Variants in ARL15 observed in about 807,000 individuals in gnomAD.
ARL15 encodes the protein ARF like GTPase 15, also known as ADP-ribosylation factor-like protein 15.
Under a neutral mutation model 25.2 loss-of-function variants are expected in ARL15, and 19 were observed. The ratio of observed to expected loss-of-function variants is 0.75; its 90% confidence interval spans 0.53 to 1.10. ARL15 has a LOEUF of 1.10. ARL15 is among the 50% of genes least tolerant of loss of function. The pLI is 0.00. For synonymous variants in ARL15, 94 were observed against 86.8 expected, an observed-to-expected ratio of 1.08 and a Z score of -0.46; for missense variants, 220 against 246.0, an observed-to-expected ratio of 0.89 and a Z score of 0.71.
chr5:54,253,590 C>T (rs1437290316), intron 1 of ARL15, among the ~76,000 whole-genome samples: 1 of 151,788 alleles, frequency 6.6e-6, no homozygotes, highest in African/African-American at 2.4e-5. Flanking sequence ...CTTAAGGAAT[C>T]AGATTTTTTT....
At chr5:54,306,606 G>T (rs1758763119) in intron 1 of ARL15, among the ~76,000 whole-genome samples, 1 of 152,104 alleles carries the variant, frequency 6.6e-6, no homozygotes, top group Non-Finnish European at 1.5e-5. Flanking sequence ...AGCCAGGCTG[G>T]TCTCAAACTC....
chr5:53,930,084 A>C (rs915705033), intron 4 of ARL15, among the ~76,000 whole-genome samples: 2 of 152,220 alleles, frequency 1.3e-5, no homozygotes, highest in Non-Finnish European at 2.9e-5. Context: ...ACAAAGATGG[A>C]TTACCAGCAA....
intron 1 of ARL15, among the ~76,000 whole-genome samples, chr5:54,279,306 C>G (rs938315716): frequency 1.1e-3 from 172 of 151,408 alleles, no homozygotes; most frequent in African/African-American, 3.9e-3. Context: ...ATACCTTAGA[C>G]TGGGTGGCTT....
chr5:53,972,186 C>A (rs566589612), intron 4 of ARL15, among the ~76,000 whole-genome samples: 14 of 152,130 alleles, frequency 9.2e-5, no homozygotes, highest in South Asian at 2.1e-4. Context: ...ACAAAAAAAA[C>A]CCCTCTTGGA....
chr5:54,069,581 A>AAC (rs1554038050), intron 4 of ARL15, among the ~76,000 whole-genome samples: 2,930 of 130,606 alleles, frequency 0.022, 175 homozygotes, highest in South Asian at 0.039. Context: ...AAAAAAAAAA[A>AAC]AAACCACGAA....
intron 1 of ARL15, among the ~76,000 whole-genome samples, chr5:54,214,942 T>C (rs1035833062): frequency 1.3e-5 from 2 of 151,988 alleles, no homozygotes; most frequent in African/African-American, 2.4e-5. Context: ...TCCCACCGCG[T>C]TGGGGCAGCA....
At chr5:54,308,921 T>C (rs1031392867) in intron 1 of ARL15, among the ~76,000 whole-genome samples, 1 of 152,250 alleles carries the variant, frequency 6.6e-6, no homozygotes, top group African/African-American at 2.4e-5. Flanking sequence ...CACCCTTTCC[T>C]ACTTGGTAAT....
intron 1 of ARL15, among the ~76,000 whole-genome samples, chr5:54,263,386 T>C (rs1332738445): frequency 1.3e-5 from 2 of 152,150 alleles, no homozygotes; most frequent in African/African-American, 4.8e-5. Context: ...GCAACTTTTG[T>C]TTAAAGATTT....
At position 54,048,409 on chromosome 5, in the gene ARL15, T is replaced by TA. The variant is rs1561202172; in HGVS notation, c.462+64792_462+64793insT. 8.7e-3 allele frequency: 651 copies of TA among 75,082 alleles called. 6 individuals are homozygous for TA. The highest frequency in any genetic ancestry group is 0.047 in the African/African-American group (624 of 13,352). 4.7% of individuals were successfully genotyped at this position (75,082 alleles called of 1,614,324 possible). A position where few individuals can be genotyped will look rare whatever the true frequency, so the allele number is the denominator to read the frequency against. On this transcript the variant is annotated intron_variant, in intron 4 of 4. Coordinates refer to ENST00000504924, the MANE Select transcript of ARL15 (RefSeq NM_019087.3). The stretch of plus-strand genomic sequence containing the variant: ...ATATATAAATTATATATATATATAT[T>TA]TTTTTTTTTTTGAGATGGGGTCTCA...
intron 1 of ARL15, among the ~76,000 whole-genome samples, chr5:54,303,210 ACAGTCT>A (rs756743824): frequency 6.6e-6 from 1 of 152,062 alleles, no homozygotes; most frequent in African/African-American, 2.4e-5. Context: ...AGAACATAGC[ACAGTCT>A]CAGTACCTCT....
chr5:53,888,566 GAGCTACCATGCCC>G (rs1275296434), intron 4 of ARL15, among the ~76,000 whole-genome samples: 2 of 152,196 alleles, frequency 1.3e-5, no homozygotes, highest in South Asian at 2.1e-4. Flanking sequence ...TTACAGGCGT[GAGCTACCATGCCC>G]AGCTTTAAGA....
intron 3 of ARL15, among the ~76,000 whole-genome samples, chr5:54,134,044 G>A (rs766639065): frequency 6.6e-6 from 1 of 152,106 alleles, no homozygotes; most frequent in Non-Finnish European, 1.5e-5. Context: ...ATACAAGATA[G>A]CAGAAAAACT....
At chr5:54,191,962 C>T (rs1453493762) in intron 1 of ARL15, among the ~76,000 whole-genome samples, 1 of 152,118 alleles carries the variant, frequency 6.6e-6, no homozygotes, top group African/African-American at 2.4e-5. Flanking sequence ...TGCCTCCTTC[C>T]TCCTTCCTCC....
chr5:54,263,678 G>C (rs72754271), intron 1 of ARL15, among the ~76,000 whole-genome samples: 6,945 of 152,138 alleles, frequency 0.046, 392 homozygotes, highest in African/African-American at 0.13. Context: ...ATCCATCTGA[G>C]AAATGATCAT....
At chr5:54,249,158 A>T (rs1338925851) in intron 1 of ARL15, among the ~76,000 whole-genome samples, 1 of 152,244 alleles carries the variant, frequency 6.6e-6, no homozygotes, top group Non-Finnish European at 1.5e-5. Flanking sequence ...ATGGAAGCCA[A>T]AGGAAAAATG....
chr5:54,181,858 A>G (rs570236494), intron 1 of ARL15, among the ~76,000 whole-genome samples: 61 of 150,700 alleles, frequency 4.0e-4, no homozygotes, highest in African/African-American at 1.5e-3. Context: ...GTGTGAGATG[A>G]TATCTCATAG....
chr5:53,992,346 T>C (rs1053118337), intron 4 of ARL15, among the ~76,000 whole-genome samples: 6 of 152,308 alleles, frequency 3.9e-5, no homozygotes, highest in Admixed American at 2.6e-4. Flanking sequence ...CCTGAATGAC[T>C]GAACAATGTC....
At chr5:54,193,755 A>G (rs182840411) in intron 1 of ARL15, among the ~76,000 whole-genome samples, 111 of 149,560 alleles carry the variant, frequency 7.4e-4, no homozygotes, top group African/African-American at 2.6e-3. Flanking sequence ...AACTGTAACT[A>G]CTTCGACTTA....
intron 4 of ARL15, among the ~76,000 whole-genome samples, chr5:54,030,470 C>T (rs531694240): frequency 1.8e-3 from 280 of 152,232 alleles, no homozygotes; most frequent in Middle Eastern, 6.8e-3. Flanking sequence ...TGGATTTTTA[C>T]ATTTTGAACA....
Sources: gnomAD v4.1 joint callset for allele counts (sites outside exome capture counted in the v4.1 genomes callset) on GRCh38, gnomAD v4.1.1 for gene constraint, MANE v1.5 for transcripts, NCBI Gene and HGNC (gene_info 2026-07-23, HGNC 2026-07-21) for gene names.